TKTL1: variants seen among roughly 807,000 people sequenced by gnomAD.
The protein encoded by TKTL1 is transketolase-like protein 1.
TKTL1 carries 1 observed loss-of-function variant against 39.3 expected under a neutral mutation model. The observed-to-expected ratio is 0.03, with a 90% confidence interval of 0.01 to 0.12. TKTL1 has a LOEUF of 0.12. TKTL1 is among the 10% of genes least tolerant of loss of function. TKTL1 has a pLI of 1.00. For missense variants in TKTL1, 575 were observed against 509.6 expected (o/e 1.13, Z -1.24); for synonymous variants, 262 against 193.8 (o/e 1.35, Z -2.92).
At chrX:154,303,379 ATTTTTTTTTT>A (rs1172255094) in intron 1 of TKTL1, among the ~76,000 whole-genome samples, 11 of 33,671 alleles carry the variant, frequency 3.3e-4, no homozygotes, top group African/African-American at 9.4e-4. Context: ...TGCCCAGCTA[ATTTTTTTTTT>A]TTTTTTTTTT....
intron 7 of TKTL1, among the ~76,000 whole-genome samples, chrX:154,316,498 A>G (rs2067401166): frequency 9.0e-6 from 1 of 111,634 alleles, no homozygotes; most frequent in South Asian, 3.7e-4. Context: ...CAGGACTTAA[A>G]CGCTGCAATG....
chrX:154,318,569 G>A (rs376756996), intron 7 of TKTL1, among the ~76,000 whole-genome samples: 4 of 108,229 alleles, frequency 3.7e-5, no homozygotes, highest in South Asian at 4.1e-4. Flanking sequence ...TTAGCCGGGC[G>A]TGGTGGTGGG....
At position 154,320,806 on chromosome X, in the gene TKTL1, C is replaced by T. The variant is rs781830344; in HGVS notation, c.1079C>T (p.Ala360Val). The change falls in exon 8 of 13, where the codon GCT becomes GTT. Residue 360 changes from alanine (A) to valine (V), a missense_variant. By Grantham distance (64) the Ala-to-Val change is moderately conservative. Coordinates refer to ENST00000369915, the MANE Select transcript of TKTL1 (RefSeq NM_012253.4). ...CASRGRTIAF[A>V]STFAAFLTRA... The stretch of plus-strand genomic sequence containing the variant: ...TCCCGTGGACGGACCATTGCTTTTG[C>T]TAGCACCTTTGCTGCCTTTCTGACT... The T allele has an allele frequency of 7.4e-6, 9 of 1,209,377 alleles. No individual in the cohort carries two copies. The East Asian group carries it at 1.2e-4, about 16-fold the overall frequency.
intron 5 of TKTL1, among the ~76,000 whole-genome samples, chrX:154,312,328 T>TA (rs2067364631): frequency 9.0e-6 from 1 of 111,602 alleles, no homozygotes; most frequent in Non-Finnish European, 1.9e-5. Context: ...TGTGGTGAGT[T>TA]ATGATCACCC....
chrX:154,297,014 T>G, intron 1 of TKTL1, among the ~76,000 whole-genome samples: 1 of 111,616 alleles, frequency 9.0e-6, no homozygotes, highest in East Asian at 2.8e-4. Context: ...TAAACCCAGC[T>G]GAGGGCGGTG....
intron 1 of TKTL1, among the ~76,000 whole-genome samples, chrX:154,300,608 G>A (rs1325235834): frequency 2.7e-5 from 3 of 111,940 alleles, no homozygotes; most frequent in Non-Finnish European, 3.8e-5. Context: ...CTACTGATTT[G>A]TGTGCATTTA....
intron 9 of TKTL1, among the ~76,000 whole-genome samples, chrX:154,324,417 G>A (rs782386663): frequency 3.5e-5 from 4 of 112,812 alleles, no homozygotes; most frequent in Non-Finnish European, 5.6e-5. Flanking sequence ...AGGGATTATA[G>A]GCATGAGCCA....
At position 154,329,594 on chromosome X, in the gene TKTL1, T is replaced by C; in HGVS notation, c.1697T>C (p.Val566Ala). 8.3e-7 allele frequency: 1 copy of C among 1,211,584 alleles called. No homozygotes were observed. Among genetic ancestry groups the C allele is most frequent in the South Asian group, 1.8e-5 (1 of 56,985 alleles). Reference protein sequence around the residue: ...IQVHSLAVSGVPQSGKSEELL... With the variant: ...IQVHSLAVSGAPQSGKSEELL... ...GTTCATTCGCTGGCAGTGTCGGGAG[T>C]GCCCCAGAGTGGGAAGTCCGAGGAA... The change falls in exon 13 of 13, where the codon GTG (valine) becomes GCG (alanine). Residue 566 changes from valine to alanine, a missense_variant. Physicochemically the swap from Val to Ala is moderately conservative, Grantham distance 64. Transcript: ENST00000369915.
Position 154,329,765 on chromosome X carries a change from A to G in TKTL1, c.*77A>G. The stretch of plus-strand genomic sequence containing the variant: ...TTCCAAAACCATCATTTAAATCTCT[A>G]CTGTCACATTTTGTTTCTTAAAAGC... On this transcript the variant is annotated 3_prime_UTR_variant, in exon 13 of 13. Transcript: ENST00000369915. The G allele has an allele frequency of 9.1e-7, 1 of 1,100,055 alleles. No homozygotes were observed. The highest frequency in any genetic ancestry group is 1.2e-6 in the Non-Finnish European group (1 of 812,689). 90.7% of individuals were successfully genotyped at this position (1,100,055 alleles called of 1,213,427 possible).
rs782721008 is a variant in TKTL1 at position 154,301,932 on chromosome X, A to G, written c.135-3372A>G. 2.6e-4 allele frequency among the ~76,000 whole-genome samples: 28 copies of G among 106,966 alleles called. No homozygotes were observed. In the South Asian group the frequency reaches 0.011, roughly 40 times the overall value. The allele number at this position is 106,966 out of a possible 115,157, so 92.9% of individuals were successfully genotyped here. On this transcript the variant is annotated intron_variant, in intron 1 of 12. Coordinates refer to ENST00000369915, the MANE Select transcript of TKTL1 (RefSeq NM_012253.4). ...CTTTTTTCTTTTTTTTTTTTAAATG[A>G]GACAATTATTTATTTTAGGCAGATA... is the stretch of plus-strand genomic sequence containing the variant.
chrX:154,328,294 AG>A (rs2067508860), intron 12 of TKTL1, among the ~76,000 whole-genome samples: 1 of 110,013 alleles, frequency 9.1e-6, no homozygotes, highest in Non-Finnish European at 1.9e-5. Flanking sequence ...CTGTCATCCC[AG>A]CACTTTGGGA....
At chrX:154,300,010 A>T (rs372052006) in intron 1 of TKTL1, among the ~76,000 whole-genome samples, 894 of 86,603 alleles carry the variant, frequency 0.01, 14 homozygotes, top group African/African-American at 0.032. Context: ...TACTTTTAGT[A>T]TTTTTTTTTT....
intron 1 of TKTL1, among the ~76,000 whole-genome samples, chrX:154,299,821 C>T (rs1231704503): frequency 9.0e-6 from 1 of 111,665 alleles, no homozygotes; most frequent in African/African-American, 3.3e-5. Flanking sequence ...ACACCACCTT[C>T]TTTATCCACT....
At position 154,315,350 on chromosome X, in the gene TKTL1, T is replaced by C; in HGVS notation, c.1029+13T>C. Reference sequence around the variant, plus strand: ...TGAACAAAACATGGTGAGTGTGTAGTGTCTCTCAGGGCTTCTTAGAATCAA... The same window carrying C: ...TGAACAAAACATGGTGAGTGTGTAGCGTCTCTCAGGGCTTCTTAGAATCAA... On this transcript the variant is annotated intron_variant, in intron 7 of 12. Coordinates refer to ENST00000369915, the MANE Select transcript of TKTL1 (RefSeq NM_012253.4). 1.7e-6 allele frequency: 2 copies of C among 1,196,085 alleles called. No individual in the cohort carries two copies. Among genetic ancestry groups the C allele is most frequent in the Non-Finnish European group, 2.3e-6 (2 of 885,210 alleles).
At chrX:154,320,578 G>A in intron 7 of TKTL1, 179 bp from the exon 8 acceptor site, 2 of 489,194 alleles carry the variant, frequency 4.1e-6, no homozygotes, top group Non-Finnish European at 7.1e-6. Context: ...GGCGCCGTCT[G>A]AGCAGGAGGG....
At chrX:154,313,203 C>G (rs1557168768) in intron 6 of TKTL1, among the ~76,000 whole-genome samples, 1 of 112,318 alleles carries the variant, frequency 8.9e-6, no homozygotes, top group Non-Finnish European at 1.9e-5. Flanking sequence ...GTGCCTTTTT[C>G]TAGCTTCCTA....
intron 2 of TKTL1, among the ~76,000 whole-genome samples, chrX:154,307,146 G>T (rs1165095093): frequency 9.1e-6 from 1 of 109,768 alleles, no homozygotes; most frequent in African/African-American, 3.3e-5. Flanking sequence ...GGTGGTGCGT[G>T]CCTGCAGCTA....
intron 8 of TKTL1, among the ~76,000 whole-genome samples, chrX:154,321,164 T>C (rs2067447539): frequency 1.8e-5 from 2 of 110,462 alleles, no homozygotes; most frequent in Admixed American, 1.9e-4. Context: ...CCCTTGTGTG[T>C]TGAGCTGCGT....
intron 2 of TKTL1, among the ~76,000 whole-genome samples, chrX:154,308,186 G>A (rs781899297): frequency 8.9e-6 from 1 of 111,943 alleles, no homozygotes; most frequent in Non-Finnish European, 1.9e-5. Context: ...AGGAGGCACT[G>A]GTTGAAAAAG....
Sources: gnomAD v4.1 joint callset for allele counts (sites outside exome capture counted in the v4.1 genomes callset) on GRCh38, gnomAD v4.1.1 for gene constraint, MANE v1.5 for transcripts, NCBI Gene and HGNC (gene_info 2026-07-23, HGNC 2026-07-21) for gene names.